Variants in FGGY observed in about 807,000 individuals in gnomAD.
The protein encoded by FGGY is FGGY carbohydrate kinase domain containing, also known as FGGY carbohydrate kinase domain-containing protein.
Under a neutral mutation model 71.3 loss-of-function variants are expected in FGGY, and 72 were observed. That is an observed-to-expected ratio of 1.01 (90% CI 0.84 to 1.23). The LOEUF (loss-of-function observed/expected upper bound fraction) is 1.23, where lower values mean the gene tolerates loss of function less well. Ranked by LOEUF, FGGY falls within the 50% of genes most tolerant of loss-of-function variation. The probability of loss-of-function intolerance (pLI) is 0.00; values close to 1 mark genes in which losing one functional copy is unlikely to be tolerated. For synonymous variants in FGGY, 251 were observed against 250.3 expected, an observed-to-expected ratio of 1.00 and a Z score of -0.02; for missense variants, 668 against 682.3, an observed-to-expected ratio of 0.98 and a Z score of 0.23.
chr1:59,518,081 A>T (rs945238246), intron 7 of FGGY, among the ~76,000 whole-genome samples: 2 of 152,210 alleles, frequency 1.3e-5, no homozygotes, highest in African/African-American at 4.8e-5. Flanking sequence ...ACTGGCTTAA[A>T]TTGCTCATCT....
chr1:59,533,188 C>T (rs1481439373), intron 7 of FGGY, among the ~76,000 whole-genome samples: 1 of 152,232 alleles, frequency 6.6e-6, no homozygotes, highest in Non-Finnish European at 1.5e-5. Context: ...GGCATTGCCT[C>T]ACTCGGGAAG....
intron 14 of FGGY, among the ~76,000 whole-genome samples, chr1:59,681,306 A>G (rs1300974090): frequency 6.6e-6 from 1 of 152,214 alleles, no homozygotes; most frequent in Non-Finnish European, 1.5e-5. Flanking sequence ...GTTTAGGCTA[A>G]CAAAACGCAT....
At chr1:59,340,338 G>A (rs1218637556) in intron 3 of FGGY, among the ~76,000 whole-genome samples, 1 of 152,206 alleles carries the variant, frequency 6.6e-6, no homozygotes, top group African/African-American at 2.4e-5. Context: ...ATATGAGATT[G>A]TTAGCTAGGA....
intron 4 of FGGY, among the ~76,000 whole-genome samples, chr1:59,377,077 G>A (rs1006476210): frequency 4.6e-5 from 7 of 152,170 alleles, no homozygotes; most frequent in African/African-American, 1.4e-4. Flanking sequence ...CCAAGTGCTT[G>A]TAGTAAGGGG....
chr1:59,296,985 G>C (rs998388432), upstream of FGGY: 1 of 153,044 alleles, frequency 6.5e-6, no homozygotes, highest in African/African-American at 2.4e-5. Flanking sequence ...CGCACGCCCA[G>C]AAAGAGGCTT....
chr1:59,521,025 G>C (rs11585489), intron 7 of FGGY, among the ~76,000 whole-genome samples: 1 of 41,294 alleles, frequency 2.4e-5, no homozygotes, highest in East Asian at 5.7e-4. Flanking sequence ...CGGTCTGCAA[G>C]AAATTGGGGG....
intron 14 of FGGY, among the ~76,000 whole-genome samples, chr1:59,707,759 G>A (rs1422148309): frequency 6.6e-6 from 1 of 152,154 alleles, no homozygotes; most frequent in Non-Finnish European, 1.5e-5. Context: ...ATAGAGATAC[G>A]AGAATCAGCA....
At chr1:59,506,653 G>A (rs971152926) in intron 6 of FGGY, among the ~76,000 whole-genome samples, 1 of 152,174 alleles carries the variant, frequency 6.6e-6, no homozygotes, top group African/African-American at 2.4e-5. Flanking sequence ...ACAAAAATTA[G>A]CCAGCCGTGC....
chr1:59,676,833 G>A (rs2097440650), intron 14 of FGGY, among the ~76,000 whole-genome samples: 1 of 152,144 alleles, frequency 6.6e-6, no homozygotes, highest in Non-Finnish European at 1.5e-5. Context: ...AGAGAGTCCT[G>A]AGGTCTTATC....
chr1:59,568,626 C>T (rs1161173168), intron 8 of FGGY, among the ~76,000 whole-genome samples: 2 of 152,050 alleles, frequency 1.3e-5, no homozygotes, highest in African/African-American at 2.4e-5. Context: ...TCCGTGTGTG[C>T]GTCTTCCCCA....
chr1:59,702,771 T>C (rs2097720095), intron 14 of FGGY, among the ~76,000 whole-genome samples: 1 of 152,144 alleles, frequency 6.6e-6, no homozygotes, highest in African/African-American at 2.4e-5. Flanking sequence ...TAGAATTTTG[T>C]GTTCATCTTA....
At chr1:59,610,011 A>G (rs1223917239) in intron 9 of FGGY, among the ~76,000 whole-genome samples, 2 of 152,254 alleles carry the variant, frequency 1.3e-5, no homozygotes, top group Non-Finnish European at 2.9e-5. Context: ...GCTACAGTAC[A>G]GTAGAAATGC....
At chr1:59,711,345 C>T (rs533917184) in intron 14 of FGGY, among the ~76,000 whole-genome samples, 20 of 152,058 alleles carry the variant, frequency 1.3e-4, no homozygotes, top group South Asian at 2.1e-4. Flanking sequence ...ATGTAGACAA[C>T]GGGTCGGTGG....
At position 59,723,551 on chromosome 1, in the gene FGGY, C is replaced by CTT. The variant is rs1171843101; in HGVS notation, c.1513-34379_1513-34378dup. ...TTATATACAGTTTTCTTGGCATTTT[C>CTT]TTGTTTTTTTTTGGGGGGGGGTGGT... On this transcript the variant is annotated intron_variant, in intron 14 of 15. Coordinates refer to ENST00000303721, the MANE Select transcript of FGGY (RefSeq NM_018291.5). Among the ~76,000 whole-genome samples the CTT allele has an allele frequency of 5.4e-5, 4 of 73,762 alleles. No homozygotes were observed. In the South Asian group the frequency reaches 1.2e-3, roughly 22 times the overall value. 48.4% of individuals were successfully genotyped at this position (73,762 alleles called of 152,430 possible).
intron 5 of FGGY, among the ~76,000 whole-genome samples, chr1:59,388,448 T>G (rs2060330463): frequency 6.6e-6 from 1 of 152,184 alleles, no homozygotes; most frequent in African/African-American, 2.4e-5. Flanking sequence ...TCTCTGGTGC[T>G]TCTCTGAGTG....
chr1:59,603,579 G>A (rs569384725), intron 8 of FGGY, among the ~76,000 whole-genome samples: 1 of 152,280 alleles, frequency 6.6e-6, no homozygotes, highest in South Asian at 2.1e-4. Flanking sequence ...TCCCATTTTG[G>A]AGTTGAGGAA....
At chr1:59,382,126 T>A (rs887628381) in intron 5 of FGGY, among the ~76,000 whole-genome samples, 25 of 152,282 alleles carry the variant, frequency 1.6e-4, no homozygotes, top group Non-Finnish European at 2.6e-4. Context: ...AAACCTCTAG[T>A]AATTAGGGAG....
Position 59,380,231 on chromosome 1 carries a change from T to C in FGGY, c.554+1394T>C, listed in dbSNP as rs575064127. Among the ~76,000 whole-genome samples, 65 of 151,700 alleles carry C rather than the reference T, an allele frequency of 4.3e-4. 3 individuals are homozygous for C. The highest frequency in any genetic ancestry group is 1.5e-3 in the African/African-American group (60 of 40,950). On this transcript the variant is annotated intron_variant, in intron 5 of 15. Coordinates refer to ENST00000303721, the MANE Select transcript of FGGY (RefSeq NM_018291.5). The stretch of plus-strand genomic sequence containing the variant: ...TTGGGTTGATTCCAAGTCTTTGCTA[T>C]TGTGAATAGTGCCACAATAAACATA...
chr1:59,346,209 A>C lies in FGGY; in HGVS notation c.314-38A>C. On this transcript the variant is annotated intron_variant, in intron 3 of 15. Transcript: ENST00000303721. ...GTTCCCTTGAATTAGAAGGAAGAGAATGTGTGTCCATCTGCATCTCCCTCT... is the reference window on the plus strand; with the variant it reads ...GTTCCCTTGAATTAGAAGGAAGAGACTGTGTGTCCATCTGCATCTCCCTCT... The C allele has an allele frequency of 1.9e-6, 3 of 1,609,820 alleles. No homozygotes were observed. The South Asian group carries it at 3.3e-5, about 18-fold the overall frequency.
Sources: gnomAD v4.1 joint callset for allele counts (sites outside exome capture counted in the v4.1 genomes callset) on GRCh38, gnomAD v4.1.1 for gene constraint, MANE v1.5 for transcripts, NCBI Gene and HGNC (gene_info 2026-07-23, HGNC 2026-07-21) for gene names.